Variants in CSMD1 observed in about 807,000 individuals in gnomAD.
The protein encoded by CSMD1 is CUB and Sushi multiple domains 1, also known as CUB and sushi domain-containing protein 1.
Under a neutral mutation model 417.5 loss-of-function variants are expected in CSMD1, and 213 were observed. That is an observed-to-expected ratio of 0.51 (90% CI 0.46 to 0.57). The LOEUF (loss-of-function observed/expected upper bound fraction) is 0.57. CSMD1 is among the 20% of genes least tolerant of loss of function. CSMD1 has a pLI of 0.00. For synonymous variants in CSMD1, 2,862 were observed against 1,736.8 expected (o/e 1.65, Z -16.11); for missense variants, 6,923 against 4,529.7 (o/e 1.53, Z -15.17).
intron 2 of CSMD1, among the ~76,000 whole-genome samples, chr8:4,495,311 C>T (rs1801922854): frequency 6.6e-6 from 1 of 152,142 alleles, no homozygotes. Context: ...CACGGTGGCT[C>T]ACGCCTGTAA....
chr8:3,243,168 C>T (rs1799655430), intron 26 of CSMD1, among the ~76,000 whole-genome samples: 1 of 152,132 alleles, frequency 6.6e-6, no homozygotes, highest in Non-Finnish European at 1.5e-5. Context: ...TAAGAGGCCG[C>T]TTACCCGATT....
intron 1 of CSMD1, among the ~76,000 whole-genome samples, chr8:4,718,408 T>C (rs1249111447): frequency 6.6e-6 from 1 of 152,196 alleles, no homozygotes; most frequent in Non-Finnish European, 1.5e-5. Context: ...ACACATCTAG[T>C]TCACCACTAA....
chr8:3,658,684 G>A (rs1406663793), intron 7 of CSMD1, among the ~76,000 whole-genome samples: 1 of 152,012 alleles, frequency 6.6e-6, no homozygotes, highest in African/African-American at 2.4e-5. Flanking sequence ...TCAGGAGGCT[G>A]AGGCAGGGGA....
chr8:4,947,519 C>G (rs544291235), intron 1 of CSMD1, among the ~76,000 whole-genome samples: 236 of 152,142 alleles, frequency 1.6e-3, no homozygotes, highest in Middle Eastern at 6.8e-3. Flanking sequence ...ACATCAATCC[C>G]ACATGTGGTC....
rs7824780 is a variant in CSMD1 at position 4,647,435 on chromosome 8, C to T, written c.86-9877G>A. Among the ~76,000 whole-genome samples, 11 of 147,236 alleles carry T rather than the reference C, an allele frequency of 7.5e-5. 1 individual carries two copies. Among genetic ancestry groups the T allele is most frequent in the Non-Finnish European group, 7.4e-5 (5 of 67,696 alleles). ...ACGCGTGTGCCACGGCGGCCTGCTA[C>T]GTAGGTATGCGTGTGCCACGGCGGC... On this transcript the variant is annotated intron_variant, in intron 1 of 69. Coordinates refer to ENST00000635120, the MANE Select transcript of CSMD1 (RefSeq NM_033225.6).
At chr8:4,960,790 A>G (rs1302857006) in intron 1 of CSMD1, among the ~76,000 whole-genome samples, 1 of 152,190 alleles carries the variant, frequency 6.6e-6, no homozygotes, top group Non-Finnish European at 1.5e-5. Context: ...AGAACAGATG[A>G]TCATCTGTTA....
At chr8:3,489,670 T>A (rs1289512284) in intron 11 of CSMD1, among the ~76,000 whole-genome samples, 1 of 152,220 alleles carries the variant, frequency 6.6e-6, no homozygotes, top group African/African-American at 2.4e-5. Flanking sequence ...AGTCCCTTCA[T>A]GTTTTTATTC....
chr8:3,826,088 C>A (rs944533759), intron 5 of CSMD1, among the ~76,000 whole-genome samples: 1 of 152,132 alleles, frequency 6.6e-6, no homozygotes, highest in African/African-American at 2.4e-5. Context: ...AAGCTATACA[C>A]AACTATGCTT....
rs946804512 is a variant in CSMD1, at chr8:3,774,126, T to A, written c.819-20084A>T. Among the ~76,000 whole-genome samples the A allele has an allele frequency of 6.6e-5, 10 of 152,206 alleles. No homozygotes were observed. The South Asian group carries it at 2.1e-3, about 32-fold the overall frequency. ...GTCCGCAACCCATTCCCTCTTAGGT[T>A]TGAGCATAAATTTACGCTGCACAAA... On this transcript the variant is annotated intron_variant, in intron 5 of 69. Coordinates refer to ENST00000635120, the MANE Select transcript of CSMD1 (RefSeq NM_033225.6).
intron 5 of CSMD1, among the ~76,000 whole-genome samples, chr8:3,761,801 C>A (rs557240043): frequency 6.6e-6 from 1 of 152,170 alleles, no homozygotes; most frequent in African/African-American, 2.4e-5. Flanking sequence ...CAACAATGCC[C>A]AGCCAAAATT....
intron 5 of CSMD1, among the ~76,000 whole-genome samples, chr8:3,932,094 C>A (rs1031488012): frequency 6.7e-6 from 1 of 150,214 alleles, no homozygotes; most frequent in African/African-American, 2.5e-5. Context: ...TGACACACAT[C>A]CAGAATAACA....
At chr8:3,949,510 G>C (rs1408657489) in intron 5 of CSMD1, among the ~76,000 whole-genome samples, 3 of 152,148 alleles carry the variant, frequency 2.0e-5, no homozygotes, top group Non-Finnish European at 4.4e-5. Context: ...TACACTGTCA[G>C]GAGCAAAGAG....
chr8:4,246,316 C>A (rs865904543), intron 3 of CSMD1, among the ~76,000 whole-genome samples: 1 of 152,166 alleles, frequency 6.6e-6, no homozygotes. Context: ...GCATATTGGC[C>A]TCCACCTCCA....
intron 7 of CSMD1, among the ~76,000 whole-genome samples, chr8:3,706,785 A>G (rs557695686): frequency 6.6e-6 from 1 of 151,960 alleles, no homozygotes; most frequent in East Asian, 1.9e-4. Context: ...TACTGTAAAT[A>G]CTATATCTCC....
chr8:3,098,848 T>G (rs111925816), intron 46 of CSMD1, among the ~76,000 whole-genome samples: 1 of 152,118 alleles, frequency 6.6e-6, no homozygotes, highest in South Asian at 2.1e-4. Context: ...AGAGTAATAA[T>G]AGCTCCCCCT....
At chr8:3,906,858 A>C (rs1250902717) in intron 5 of CSMD1, among the ~76,000 whole-genome samples, 1 of 149,782 alleles carries the variant, frequency 6.7e-6, no homozygotes, top group Admixed American at 6.7e-5. Flanking sequence ...TTTTGTACAT[A>C]AAGTAAAAGT....
chr8:4,906,797 A>G (rs544236684), intron 1 of CSMD1, among the ~76,000 whole-genome samples: 10 of 152,286 alleles, frequency 6.6e-5, no homozygotes, highest in Non-Finnish European at 1.5e-4. Context: ...TGACCTCGTG[A>G]TCTGCCTGCC....
At chr8:3,079,485 G>C (rs1410100768) in intron 49 of CSMD1, among the ~76,000 whole-genome samples, 1 of 152,094 alleles carries the variant, frequency 6.6e-6, no homozygotes, top group African/African-American at 2.4e-5. Context: ...TAATGAAATA[G>C]AAGCAAATAG....
chr8:3,502,792 T>G (rs748714367), intron 10 of CSMD1, among the ~76,000 whole-genome samples: 4 of 152,176 alleles, frequency 2.6e-5, no homozygotes, highest in Non-Finnish European at 1.5e-5. Context: ...GACACTGACT[T>G]TATACAGTTG....
Sources: allele counts gnomAD v4.1 joint callset (sites outside exome capture counted in the v4.1 genomes callset), GRCh38; gene constraint gnomAD v4.1.1; transcripts MANE v1.5; gene names NCBI Gene and HGNC (gene_info 2026-07-23, HGNC 2026-07-21).